Variants in CD2AP observed in about 807,000 individuals in gnomAD.
The protein encoded by CD2AP is CD2-associated protein.
Under a neutral mutation model 85.1 loss-of-function variants are expected in CD2AP, and 46 were observed. The observed-to-expected ratio is 0.54, with a 90% CI of 0.43 to 0.69. The LOEUF is 0.69. Ranked by LOEUF, CD2AP falls within the 30% of genes least tolerant of loss-of-function variation. The pLI, the probability that CD2AP is intolerant of heterozygous loss-of-function variation, is 0.00. For missense variants in CD2AP, 769 were observed against 729.5 expected, an observed-to-expected ratio of 1.05 and a Z score of -0.62; for synonymous variants, 255 against 252.9, an observed-to-expected ratio of 1.01 and a Z score of -0.08.
At chr6:47,527,412 G>T (rs533053356) in intron 2 of CD2AP, among the ~76,000 whole-genome samples, 2 of 152,180 alleles carry the variant, frequency 1.3e-5, no homozygotes, top group African/African-American at 2.4e-5. Flanking sequence ...GAGCAAAGAG[G>T]CATTACAAGG....
intron 13 of CD2AP, among the ~76,000 whole-genome samples, chr6:47,604,873 A>G (rs1007608759): frequency 6.6e-6 from 1 of 152,062 alleles, no homozygotes; most frequent in Non-Finnish European, 1.5e-5. Context: ...CTTAGTTGAT[A>G]CAAGTGAGAA....
intron 1 of CD2AP, among the ~76,000 whole-genome samples, chr6:47,488,801 G>A (rs1404699861): frequency 1.3e-5 from 2 of 151,852 alleles, no homozygotes; most frequent in African/African-American, 4.8e-5. Context: ...TGAGGTGAGA[G>A]CATTACTTGA....
intron 5 of CD2AP, among the ~76,000 whole-genome samples, chr6:47,555,140 CT>C (rs1311688124): frequency 6.6e-6 from 1 of 152,094 alleles, no homozygotes; most frequent in Non-Finnish European, 1.5e-5. Context: ...AACAACCTTA[CT>C]TTTGTTATTT....
chr6:47,481,058 T>G (rs541827931), intron 1 of CD2AP, among the ~76,000 whole-genome samples: 1 of 152,166 alleles, frequency 6.6e-6, no homozygotes, highest in Non-Finnish European at 1.5e-5. Context: ...TGTGAAAGAA[T>G]TTGGGAAGAG....
chr6:47,489,670 C>CATT (rs2113965410), intron 1 of CD2AP, among the ~76,000 whole-genome samples: 1 of 152,246 alleles, frequency 6.6e-6, no homozygotes, highest in East Asian at 1.9e-4. Context: ...TGAGGTAAAA[C>CATT]ATTAGTCTTC....
chr6:47,588,408 A>G (rs921158883), intron 11 of CD2AP, among the ~76,000 whole-genome samples: 2 of 152,136 alleles, frequency 1.3e-5, no homozygotes, highest in African/African-American at 4.8e-5. Flanking sequence ...TACTTAATGC[A>G]GTACTTATTA....
chr6:47,591,569 A>G (rs1438611773), intron 11 of CD2AP, among the ~76,000 whole-genome samples: 1 of 152,136 alleles, frequency 6.6e-6, no homozygotes, highest in African/African-American at 2.4e-5. Flanking sequence ...TTTTTAAATT[A>G]GAATTTATGC....
chr6:47,514,553 A>G (rs1766403298), intron 2 of CD2AP, among the ~76,000 whole-genome samples: 1 of 152,236 alleles, frequency 6.6e-6, no homozygotes. Context: ...CAAAATAAAC[A>G]CATTCCAGTA....
chr6:47,589,361 A>T (rs1053239161), intron 11 of CD2AP, among the ~76,000 whole-genome samples: 2 of 15,142 alleles, frequency 1.3e-4, no homozygotes, highest in African/African-American at 1.4e-4. Flanking sequence ...TTGTTTGATG[A>T]CCAGGAACTC....
At chr6:47,555,247 C>T (rs1767649021) in intron 5 of CD2AP, among the ~76,000 whole-genome samples, 1 of 152,144 alleles carries the variant, frequency 6.6e-6, no homozygotes, top group Admixed American at 6.5e-5. Flanking sequence ...CCCACAAATT[C>T]TTCTTAATTT....
chr6:47,554,805 ACTTTATATAGCAT>A (rs1283815725), intron 5 of CD2AP, 39 bp downstream of exon 5: 1 of 1,518,720 alleles, frequency 6.6e-7, no homozygotes, highest in East Asian at 2.5e-5. Flanking sequence ...ATTTAAATAA[ACTTTATATAGCAT>A]CTAGTGTTTT....
At chr6:47,554,570 A>G in intron 4 of CD2AP, 76 bp from the exon 5 acceptor site, 1 of 1,518,024 alleles carries the variant, frequency 6.6e-7, no homozygotes, top group Non-Finnish European at 9.1e-7. Context: ...TTGCTTTTGC[A>G]GCTTAATTTT....
chr6:47,484,039 TAGAA>T (rs1765508330), intron 1 of CD2AP, among the ~76,000 whole-genome samples: 1 of 152,174 alleles, frequency 6.6e-6, no homozygotes, highest in Non-Finnish European at 1.5e-5. Flanking sequence ...GGCTAGTTAT[TAGAA>T]AGACCTTTTT....
intron 5 of CD2AP, among the ~76,000 whole-genome samples, chr6:47,564,475 C>G (rs1314152103): frequency 6.6e-6 from 1 of 152,060 alleles, no homozygotes; most frequent in African/African-American, 2.4e-5. Flanking sequence ...TTTTCTTATG[C>G]TATTCAGCTT....
intron 13 of CD2AP, among the ~76,000 whole-genome samples, chr6:47,604,446 C>A (rs1020730420): frequency 1.3e-5 from 2 of 151,908 alleles, no homozygotes; most frequent in African/African-American, 2.4e-5. Flanking sequence ...GTTTTATTTA[C>A]CCTTTCAGTT....
intron 16 of CD2AP, chr6:47,609,513 CAAAA>C (rs10580796): frequency 0.014 from 1,952 of 141,516 alleles, no homozygotes; most frequent in Middle Eastern, 0.025. Flanking sequence ...CCCATCTTTG[CAAAA>C]AAAAAAAAAA....
At chr6:47,494,074 T>G (rs1398858816) in intron 1 of CD2AP, among the ~76,000 whole-genome samples, 1 of 152,256 alleles carries the variant, frequency 6.6e-6, no homozygotes, top group East Asian at 1.9e-4. Context: ...AGATGCTTGC[T>G]TTGTCTCTTT....
chr6:47,611,259 G>A (rs985156724), intron 16 of CD2AP, among the ~76,000 whole-genome samples: 1 of 151,340 alleles, frequency 6.6e-6, no homozygotes, highest in Non-Finnish European at 1.5e-5. Context: ...TATTTCATTT[G>A]TATAAAGTTG....
At chr6:47,582,357 G>T in intron 11 of CD2AP, 1 of 223,558 alleles carries the variant, frequency 4.5e-6, no homozygotes, top group African/African-American at 2.3e-5. Context: ...TTTTTATAGT[G>T]TTTCAGTTTT....
Sources: gnomAD v4.1 joint callset for allele counts (sites outside exome capture counted in the v4.1 genomes callset) on GRCh38, gnomAD v4.1.1 for gene constraint, MANE v1.5 for transcripts, NCBI Gene and HGNC (gene_info 2026-07-23, HGNC 2026-07-21) for gene names.